The following ZNF430 variants were observed in gnomAD, a reference collection of about 807,000 sequenced individuals.
ZNF430 encodes zinc finger protein 430.
ZNF430 carries 35 observed loss-of-function variants against 56.7 expected under a neutral mutation model. The observed-to-expected ratio is 0.62, with a 90% CI of 0.47 to 0.82. The LOEUF (loss-of-function observed/expected upper bound fraction) is 0.82, where lower values mean the gene tolerates loss of function less well. Ranked by LOEUF, ZNF430 falls within the 40% of genes least tolerant of loss-of-function variation. The pLI, the probability that ZNF430 is intolerant of heterozygous loss-of-function variation, is 0.00. For missense variants in ZNF430, 574 were observed against 661.0 expected (o/e 0.87, Z 1.44); for synonymous variants, 212 against 224.3 (o/e 0.94, Z 0.49).
At chr19:21,025,859 T>TC in intron 2 of ZNF430, 1 of 284,512 alleles carries the variant, frequency 3.5e-6, no homozygotes, top group South Asian at 4.5e-5. Flanking sequence ...CCTCCTACTT[T>TC]CCCCCTCTTT....
chr19:21,056,127 A>T (rs555104033), intron 4 of ZNF430, among the ~76,000 whole-genome samples: 89 of 152,200 alleles, frequency 5.8e-4, no homozygotes, highest in African/African-American at 2.0e-3. Flanking sequence ...TTATTTATAA[A>T]TTTTCCTCAG....
intron 4 of ZNF430, among the ~76,000 whole-genome samples, chr19:21,051,500 G>A (rs1968283813): frequency 6.6e-6 from 1 of 151,944 alleles, no homozygotes; most frequent in African/African-American, 2.4e-5. Context: ...TATTTTATTA[G>A]TTCACTTTGT....
intron 4 of ZNF430, among the ~76,000 whole-genome samples, chr19:21,054,835 C>T (rs1599509302): frequency 6.6e-6 from 1 of 151,768 alleles, no homozygotes; most frequent in African/African-American, 2.4e-5. Flanking sequence ...CCACCACGCC[C>T]GGCTGATTTT....
At chr19:21,041,911 G>A (rs745472706) in intron 4 of ZNF430, among the ~76,000 whole-genome samples, 2 of 151,996 alleles carry the variant, frequency 1.3e-5, no homozygotes, top group Non-Finnish European at 1.5e-5. Flanking sequence ...ATGGGGTTTC[G>A]CCACACTGGC....
chr19:21,042,998 C>G (rs550745679), intron 4 of ZNF430, among the ~76,000 whole-genome samples: 1 of 151,990 alleles, frequency 6.6e-6, no homozygotes, highest in Non-Finnish European at 1.5e-5. Flanking sequence ...TGCTTAAGTT[C>G]CTTTTAGACT....
intron 4 of ZNF430, 121 bp downstream of exon 4, chr19:21,034,305 GT>G (rs970607370): frequency 8.4e-3 from 5,358 of 635,504 alleles, no homozygotes; most frequent in South Asian, 0.013. Context: ...GGAAGCCTGA[GT>G]TTTTTTTTTT....
At chr19:21,053,111 G>T (rs184455759) in intron 4 of ZNF430, among the ~76,000 whole-genome samples, 9 of 152,156 alleles carry the variant, frequency 5.9e-5, no homozygotes, top group African/African-American at 1.9e-4. Context: ...TTGATTTGTG[G>T]CCCTAGTGGC....
In ZNF430 at chr19:21,057,312, A is replaced by G. The variant is rs926557885; in HGVS notation, c.1004A>G (p.His335Arg). 3.1e-6 allele frequency: 5 copies of G among 1,613,204 alleles called. No individual in the cohort carries two copies. The African/African-American group carries it at 4.0e-5, about 13-fold the overall frequency. The change falls in exon 5 of 5, where the codon CAT becomes CGT. Residue 335 changes from histidine (H) to arginine (R), a missense_variant. Physicochemically the swap from His to Arg is conservative, Grantham distance 29. Transcript: ENST00000261560. Reference protein sequence around the residue: ...AFNRSSHLTTHKIIHTGEKPY... With the variant: ...AFNRSSHLTTRKIIHTGEKPY... ...AACCGGTCCTCACACCTTACTACAC[A>G]TAAGATTATTCATACTGGAGAGAAA...
chr19:21,023,234 A>T (rs1194524645), intron 2 of ZNF430, among the ~76,000 whole-genome samples: 1 of 152,150 alleles, frequency 6.6e-6, no homozygotes, highest in Admixed American at 6.6e-5. Flanking sequence ...CACATAAGTG[A>T]GCAGGAGTGG....
intron 2 of ZNF430, among the ~76,000 whole-genome samples, chr19:21,025,415 C>T (rs1159103943): frequency 6.6e-6 from 1 of 152,150 alleles, no homozygotes; most frequent in African/African-American, 2.4e-5. Flanking sequence ...TTTACTGCAA[C>T]CTGTTTTATC....
chr19:21,034,337 T>TC, intron 4 of ZNF430, 153 bp downstream of exon 4: 1 of 550,550 alleles, frequency 1.8e-6, no homozygotes, highest in Non-Finnish European at 3.2e-6. Context: ...TCGCATAGGG[T>TC]CATCTTCTGT....
chr19:21,033,543 A>G lies in ZNF430; in HGVS notation c.184A>G (p.Lys62Glu), dbSNP rs771254840. 1 of 1,611,366 alleles carries G rather than the reference A, an allele frequency of 6.2e-7. No homozygotes were observed. Among genetic ancestry groups the G allele is most frequent in the South Asian group, 1.1e-5 (1 of 90,912 alleles). ...CACTGCTCAGCAGGATTTGTATAGA[A>G]AAGTGATGTTAGAGAACTACAGAAA... ...LDTAQQDLYR[K>E]VMLENYRNLV... The change falls in exon 3 of 5, where the codon AAA becomes GAA. Residue 62 changes from lysine (K) to glutamate (E), a missense_variant. Physicochemically the swap from Lys to Glu is moderately conservative, Grantham distance 56. Coordinates refer to ENST00000261560, the MANE Select transcript of ZNF430 (RefSeq NM_025189.4).
At chr19:21,029,634 C>T (rs1967865000) in intron 2 of ZNF430, among the ~76,000 whole-genome samples, 1 of 151,974 alleles carries the variant, frequency 6.6e-6, no homozygotes, top group Non-Finnish European at 1.5e-5. Context: ...TATGTCTGGC[C>T]CCGCTCTGGA....
intron 4 of ZNF430, 88 bp downstream of exon 4, chr19:21,034,272 T>A: frequency 9.7e-7 from 1 of 1,036,148 alleles, no homozygotes; most frequent in Non-Finnish European, 1.4e-6. Context: ...TGAGAATCTG[T>A]GTTCCAAAGC....
chr19:21,057,444 G>A lies in ZNF430; in HGVS notation c.1136G>A (p.Gly379Asp). 1.2e-6 allele frequency: 2 copies of A among 1,613,592 alleles called. No homozygotes were observed. Among genetic ancestry groups the A allele is most frequent in the Admixed American group, 1.7e-5 (1 of 59,996 alleles). ...AAACCTTACAAATGTGAAGAATGTG[G>A]CAAAGCTTTTTACCGATTCTCATAC... ...GEKPYKCEECGKAFYRFSYLT... is the reference protein window; with the variant it reads ...GEKPYKCEECDKAFYRFSYLT... Residue 379 changes from glycine to aspartate, a missense_variant, in exon 5 of 5, where the codon GGC (glycine) becomes GAC (aspartate). By Grantham distance (94) the Gly-to-Asp change is moderately conservative. Around this residue, in one of 3 missense-constraint regions of ZNF430, gnomAD observed 213 missense variants for 221.0 expected, o/e 0.96. Transcript: ENST00000261560.
At position 21,057,524 on chromosome 19, in the gene ZNF430, T is replaced by A; in HGVS notation, c.1216T>A (p.Cys406Ser). 6.2e-7 allele frequency: 1 copy of A among 1,613,472 alleles called. No homozygotes were observed. Among genetic ancestry groups the A allele is most frequent in the Non-Finnish European group, 8.5e-7 (1 of 1,179,952 alleles). ...TGEKFYKCEE[C>S]GKGFNWSSTL... Reference sequence around the variant, plus strand: ...AGAGAAATTCTACAAATGTGAAGAATGTGGCAAAGGCTTTAATTGGTCCTC... The same window carrying A: ...AGAGAAATTCTACAAATGTGAAGAAAGTGGCAAAGGCTTTAATTGGTCCTC... Residue 406 changes from cysteine to serine, a missense_variant, in exon 5 of 5, where the codon TGT (cysteine) becomes AGT (serine). By Grantham distance (112) the Cys-to-Ser change is moderately radical. Around this residue, in one of 3 missense-constraint regions of ZNF430, gnomAD observed 213 missense variants for 221.0 expected, o/e 0.96. Transcript: ENST00000261560.
At chr19:21,021,343 A>G (rs1384623184) in intron 1 of ZNF430, among the ~76,000 whole-genome samples, 1 of 152,088 alleles carries the variant, frequency 6.6e-6, no homozygotes, top group Non-Finnish European at 1.5e-5. Context: ...TACTAAAAAT[A>G]CAAAAATTTG....
At chr19:21,033,372 T>C in intron 2 of ZNF430, 84 bp from the exon 3 acceptor site, 1 of 1,500,070 alleles carries the variant, frequency 6.7e-7, no homozygotes, top group Non-Finnish European at 9.0e-7. Flanking sequence ...CTTTATTCTG[T>C]CATTTCACTT....
intron 4 of ZNF430, among the ~76,000 whole-genome samples, chr19:21,049,173 CAAAAAAAAAA>C (rs746043747): frequency 9.2e-5 from 6 of 65,268 alleles, no homozygotes; most frequent in African/African-American, 3.9e-4. Flanking sequence ...GACTCCATCT[CAAAAAAAAAA>C]AAAAAAAAAA....
Sources: allele counts gnomAD v4.1 joint callset (sites outside exome capture counted in the v4.1 genomes callset), GRCh38; gene constraint gnomAD v4.1.1; regional missense constraint gnomAD v4.1.1; transcripts MANE v1.5; gene names NCBI Gene and HGNC (gene_info 2026-07-23, HGNC 2026-07-21).